SLC45A4: variants seen among roughly 807,000 people sequenced by gnomAD.
SLC45A4 encodes the protein solute carrier family 45 member 4, also known as polyamine-transporter SLC45A4.
In SLC45A4, 32 loss-of-function variants were observed where a neutral mutation model predicts 63.7. That is an observed-to-expected ratio of 0.50 (90% CI 0.38 to 0.67). The LOEUF (loss-of-function observed/expected upper bound fraction) is 0.67. Among genes scored for constraint, SLC45A4 ranks in the 30% least tolerant of loss-of-function variants. The pLI, the probability that SLC45A4 is intolerant of heterozygous loss-of-function variation, is 0.00. For missense variants in SLC45A4, 1,027 were observed against 1,157.7 expected (o/e 0.89, Z 1.64); for synonymous variants, 535 against 510.0 (o/e 1.05, Z -0.66).
chr8:141,213,076 A>G (rs1339450074), intron 7 of SLC45A4, among the ~76,000 whole-genome samples: 1 of 132,060 alleles, frequency 7.6e-6, no homozygotes, highest in African/African-American at 2.9e-5. Flanking sequence ...TACCATTAGC[A>G]TCTCTGCAAA....
At chr8:141,285,419 G>A (rs775829066) in intron 1 of SLC45A4, among the ~76,000 whole-genome samples, 2 of 152,172 alleles carry the variant, frequency 1.3e-5, no homozygotes, top group Non-Finnish European at 2.9e-5. Context: ...AATCTTTACC[G>A]AATCCCCACT....
At chr8:141,298,430 C>A (rs990995974) in intron 1 of SLC45A4, among the ~76,000 whole-genome samples, 3 of 152,238 alleles carry the variant, frequency 2.0e-5, no homozygotes, top group Non-Finnish European at 1.5e-5. Context: ...CACTGAGCAG[C>A]CACCTGGGGA....
intron 1 of SLC45A4, among the ~76,000 whole-genome samples, chr8:141,293,992 G>C (rs1467809768): frequency 6.6e-6 from 1 of 151,700 alleles, no homozygotes. Context: ...ATCTACAGAA[G>C]AAAAAGTGAG....
chr8:141,240,506 G>T (rs1269272293), intron 2 of SLC45A4, among the ~76,000 whole-genome samples: 1 of 152,228 alleles, frequency 6.6e-6, no homozygotes, highest in East Asian at 1.9e-4. Context: ...AGAGACTGGG[G>T]GCTGGCTCTT....
At position 141,221,830 on chromosome 8, in the gene SLC45A4, G is replaced by A; in HGVS notation, c.242-65C>T. 7 of 1,561,808 alleles carry A rather than the reference G, an allele frequency of 4.5e-6. No homozygotes were observed. In the South Asian group the frequency reaches 8.0e-5, roughly 18 times the overall value. On this transcript the variant is annotated intron_variant, in intron 2 of 8. Coordinates refer to ENST00000517878, the MANE Select transcript of SLC45A4 (RefSeq NM_001286646.2). ...GCCGGGCTCTGCCACAGTTTTCCTG[G>A]GAGCCCCGCGACAGGCAGGTGCCTC...
At position 141,285,037 on chromosome 8, in the gene SLC45A4, G is replaced by C. The variant is rs934318151; in HGVS notation, c.-401+23059C>G. Among the ~76,000 whole-genome samples the C allele has an allele frequency of 2.6e-5, 4 of 152,236 alleles. No homozygotes were observed. The East Asian group carries it at 7.7e-4, about 29-fold the overall frequency. On this transcript the variant is annotated intron_variant, in intron 1 of 8. Transcript: ENST00000517878. ...AGCCAGCAGAGGCCTGAGCAGAACA[G>C]GGTCCGGAGCTGGCAGTGGGGCTCG...
chr8:141,226,208 T>G (rs1374300421), intron 2 of SLC45A4: 1 of 152,274 alleles, frequency 6.6e-6, no homozygotes, highest in African/African-American at 2.4e-5. Context: ...ATCTTTCCCC[T>G]CTGCTTGGAC....
intron 1 of SLC45A4, among the ~76,000 whole-genome samples, chr8:141,266,640 G>T (rs1254574324): frequency 6.6e-6 from 1 of 152,154 alleles, no homozygotes; most frequent in East Asian, 1.9e-4. Flanking sequence ...CCACAAACGG[G>T]GTAAAAGTAT....
chr8:141,249,786 G>A (rs960996808), intron 2 of SLC45A4, among the ~76,000 whole-genome samples: 3 of 152,172 alleles, frequency 2.0e-5, no homozygotes. Context: ...TGGTCACTAC[G>A]TTGCCCTTGT....
At chr8:141,271,972 G>C (rs752280226) in intron 1 of SLC45A4, among the ~76,000 whole-genome samples, 2 of 148,700 alleles carry the variant, frequency 1.3e-5, no homozygotes, top group African/African-American at 2.5e-5. Flanking sequence ...CAACACACCT[G>C]CGTACACACA....
In SLC45A4 at chr8:141,254,657, G is replaced by C; in HGVS notation, c.-400-28C>G. On this transcript the variant is annotated intron_variant, in intron 1 of 8. Transcript: ENST00000517878. The surrounding 1 kb of genome is among the most constrained non-coding windows in gnomAD (Gnocchi z 4.5). ...GCAAAAGAGGAAAACAACCCGGCCA[G>C]AGAGTCAGGGGACGGCCACCAGATG... The C allele has an allele frequency of 1.4e-6, 1 of 697,204 alleles. No individual in the cohort carries two copies. Among genetic ancestry groups the C allele is most frequent in the South Asian group, 1.5e-5 (1 of 66,854 alleles). The allele number at this position is 697,204 out of a possible 1,614,324, so 43.2% of individuals were successfully genotyped here. A position where few individuals can be genotyped will look rare whatever the true frequency, so the allele number is the denominator to read the frequency against.
At chr8:141,262,818 G>A (rs1280000183) in intron 1 of SLC45A4, among the ~76,000 whole-genome samples, 2 of 149,744 alleles carry the variant, frequency 1.3e-5, no homozygotes, top group Non-Finnish European at 3.0e-5. Context: ...ATTCCTCAGG[G>A]ATCTAGAACT....
intron 1 of SLC45A4, among the ~76,000 whole-genome samples, chr8:141,301,274 G>A (rs927547483): frequency 6.6e-6 from 1 of 152,264 alleles, no homozygotes; most frequent in East Asian, 1.9e-4. Flanking sequence ...TCCTTCCGGT[G>A]TATTTTGTGC....
At chr8:141,216,441 C>A (rs1826159706) in intron 6 of SLC45A4, among the ~76,000 whole-genome samples, 1 of 152,246 alleles carries the variant, frequency 6.6e-6, no homozygotes, top group South Asian at 2.1e-4. Context: ...CAGACGGCAC[C>A]TCCCCTGGGA....
chr8:141,219,072 G>C lies in SLC45A4; in HGVS notation c.611-43C>G, dbSNP rs531590286. On this transcript the variant is annotated intron_variant, in intron 4 of 8. Transcript: ENST00000517878. ...GCAGCCGGTGAGCCGGTGGCACCAG[G>C]CCACAGGGGGGGAAGCTCTGGGAGG... The C allele has an allele frequency of 5.9e-5, 93 of 1,578,378 alleles. No homozygotes were observed. The South Asian group carries it at 1.0e-3, about 18-fold the overall frequency.
intron 2 of SLC45A4, among the ~76,000 whole-genome samples, chr8:141,253,541 C>T (rs1202532182): frequency 6.6e-6 from 1 of 152,208 alleles, no homozygotes; most frequent in African/African-American, 2.4e-5. Flanking sequence ...GGTTGGTTTG[C>T]GAATGCAATC....
At chr8:141,214,241 T>TCC (rs1339320087) in intron 7 of SLC45A4, among the ~76,000 whole-genome samples, 3 of 149,030 alleles carry the variant, frequency 2.0e-5, no homozygotes, top group Non-Finnish European at 3.0e-5. Flanking sequence ...TATTAAATAC[T>TCC]CCCCTGTTGA....
chr8:141,296,365 T>A (rs1830551132), intron 1 of SLC45A4, among the ~76,000 whole-genome samples: 2 of 151,964 alleles, frequency 1.3e-5, no homozygotes, highest in South Asian at 4.2e-4. Context: ...CCGGGCATGG[T>A]GGCACACGCC....
At position 141,298,351 on chromosome 8, in the gene SLC45A4, G is replaced by A. The variant is rs73715814; in HGVS notation, c.-401+9745C>T. On this transcript the variant is annotated intron_variant, in intron 1 of 8. Transcript: ENST00000517878. ...CAGCCATGGGTCAGATGCCCTCCTC[G>A]GGGTTCCCAGGCCTGCCCCATCACC... Among the ~76,000 whole-genome samples the A allele has an allele frequency of 3.9e-3, 588 of 152,310 alleles. 3 individuals carry two copies. Among genetic ancestry groups the A allele is most frequent in the African/African-American group, 0.013 (550 of 41,568 alleles).
Sources: gnomAD v4.1 joint callset for allele counts (sites outside exome capture counted in the v4.1 genomes callset) on GRCh38, gnomAD v4.1.1 for gene constraint, Gnocchi (gnomAD v3.1) non-coding constraint, MANE v1.5 for transcripts, NCBI Gene and HGNC (gene_info 2026-07-23, HGNC 2026-07-21) for gene names.